PCDHGA5: variants seen among roughly 807,000 people sequenced by gnomAD.
PCDHGA5 encodes the protein protocadherin gamma subfamily A, 5.
Under a neutral mutation model 56.7 loss-of-function variants are expected in PCDHGA5, and 36 were observed. The ratio of observed to expected loss-of-function variants is 0.64; its 90% CI spans 0.49 to 0.84. The LOEUF (loss-of-function observed/expected upper bound fraction) is 0.84, where lower values mean the gene tolerates loss of function less well. Among genes scored for constraint, PCDHGA5 ranks in the 40% least tolerant of loss-of-function variants. PCDHGA5 has a pLI of 0.00. For synonymous variants in PCDHGA5, 563 were observed against 520.2 expected, an observed-to-expected ratio of 1.08 and a Z score of -1.12; for missense variants, 1,305 against 1,201.5, an observed-to-expected ratio of 1.09 and a Z score of -1.27.
At chr5:141,480,178 C>T (rs143309515) in intron 1 of PCDHGA5, among the ~76,000 whole-genome samples, 346 of 150,752 alleles carry the variant, frequency 2.3e-3, no homozygotes, top group Non-Finnish European at 2.8e-3. Flanking sequence ...CTGAGGCAGG[C>T]GGATTGCTTG....
chr5:141,433,837 C>CAAAAAA (rs56191208), intron 1 of PCDHGA5, among the ~76,000 whole-genome samples: 2 of 111,692 alleles, frequency 1.8e-5, no homozygotes, highest in Non-Finnish European at 3.9e-5. Context: ...AACTCTATCT[C>CAAAAAA]AAAAAAAAAA....
chr5:141,471,124 A>C (rs2099250596), intron 1 of PCDHGA5, among the ~76,000 whole-genome samples: 1 of 141,916 alleles, frequency 7.0e-6, no homozygotes, highest in East Asian at 2.1e-4. Flanking sequence ...TCTTACCTTC[A>C]CTGCAACCTC....
At chr5:141,388,735 C>T (rs758511912) in intron 1 of PCDHGA5, 9 of 1,613,974 alleles carry the variant, frequency 5.6e-6, no homozygotes, top group Non-Finnish European at 7.6e-6. Context: ...TTCAGTGAAG[C>T]TAGCCAGATC....
intron 3 of PCDHGA5, among the ~76,000 whole-genome samples, chr5:141,506,904 C>T (rs55892286): frequency 0.2 from 30,589 of 152,050 alleles, 3,131 homozygotes; most frequent in Middle Eastern, 0.24. Flanking sequence ...ACTGTCATCA[C>T]ACCTGGGCAC....
rs2099710219 is a variant in PCDHGA5, at chr5:141,491,289, C to A, written c.2422-3518C>A. On this transcript the variant is annotated intron_variant, in intron 1 of 3. Transcript: ENST00000518069. The surrounding 1 kb of genome is among the most constrained non-coding windows in gnomAD (Gnocchi z 6.9). The stretch of plus-strand genomic sequence containing the variant: ...CCAAATCCAGTGACTTCCTCATACA[C>A]CCTCCTGAGCGTTCAGACCTTACCC... 1 of 1,614,112 alleles carries A rather than the reference C, an allele frequency of 6.2e-7. No homozygotes were observed. Among genetic ancestry groups the A allele is most frequent in the Non-Finnish European group, 8.5e-7 (1 of 1,179,942 alleles).
At position 141,393,000 on chromosome 5, in the gene PCDHGA5, G is replaced by A. The variant is rs772046833; in HGVS notation, c.2421+26249G>A. The stretch of plus-strand genomic sequence containing the variant: ...GGACCCCCGGAAGCTGGCGAAGCAC[G>A]GAGTCCGTATCGTCTCCAGAGGTAG... On this transcript the variant is annotated intron_variant, in intron 1 of 3. Transcript: ENST00000518069. The A allele has an allele frequency of 2.5e-6, 4 of 1,613,856 alleles. No individual in the cohort carries two copies. In the South Asian group the frequency reaches 4.4e-5, roughly 18 times the overall value.
rs968865313 is a variant in PCDHGA5, at chr5:141,511,294, C to T, written c.*121C>T. 1 of 1,506,752 alleles carries T rather than the reference C, an allele frequency of 6.6e-7. No individual in the cohort carries two copies. Among genetic ancestry groups the T allele is most frequent in the Non-Finnish European group, 8.9e-7 (1 of 1,123,692 alleles). 93.3% of individuals were successfully genotyped at this position (1,506,752 alleles called of 1,614,324 possible). On this transcript the variant is annotated 3_prime_UTR_variant, in exon 4 of 4. Coordinates refer to ENST00000518069, the MANE Select transcript of PCDHGA5 (RefSeq NM_018918.3). ...CCCAGAATACTGGTAGGGGCCAAGG[C>T]CATGCTCCCCTTGGGAAACAGAAAC...
intron 1 of PCDHGA5, chr5:141,384,324 T>G (rs373247436): frequency 1.9e-6 from 3 of 1,613,744 alleles, no homozygotes; most frequent in Non-Finnish European, 2.5e-6. Context: ...TCTTAGTGAC[T>G]GCACAGGACC....
rs778770720 is a variant in PCDHGA5 at position 141,375,689 on chromosome 5, G to C, written c.2421+8938G>C. On this transcript the variant is annotated intron_variant, in intron 1 of 3. Coordinates refer to ENST00000518069, the MANE Select transcript of PCDHGA5 (RefSeq NM_018918.3). ...CCTACAGCTGTGGGTGACAGCCAGC[G>C]ACAGCGGGGACCCGCCTCTTAGCAG... 4 of 1,614,250 alleles carry C rather than the reference G, an allele frequency of 2.5e-6. No individual in the cohort carries two copies. In the Admixed American group the frequency reaches 6.7e-5, roughly 27 times the overall value.
rs2099411033 is a variant in PCDHGA5, at chr5:141,477,423, C to T, written c.2422-17384C>T. ...ACCGCCCGAGACGCCGGAACCCCTT[C>T]CCTCTCAGCCCTTACAATAGTGCGT... On this transcript the variant is annotated intron_variant, in intron 1 of 3. Coordinates refer to ENST00000518069, the MANE Select transcript of PCDHGA5 (RefSeq NM_018918.3). This position sits in a 1 kb window ranked among gnomAD's most constrained non-coding sequence, Gnocchi z 4.9. 1.9e-6 allele frequency: 3 copies of T among 1,614,196 alleles called. No individual in the cohort carries two copies. The highest frequency in any genetic ancestry group is 2.2e-5 in the East Asian group (1 of 44,882).
chr5:141,506,870 G>A (rs2099856877), intron 3 of PCDHGA5, among the ~76,000 whole-genome samples: 1 of 152,166 alleles, frequency 6.6e-6, no homozygotes, highest in East Asian at 1.9e-4. Flanking sequence ...GGTGGGTAGA[G>A]AACCAGGTGA....
intron 1 of PCDHGA5, chr5:141,415,357 C>T: frequency 6.2e-7 from 1 of 1,614,250 alleles, no homozygotes; most frequent in Non-Finnish European, 8.5e-7. Context: ...CAAGTCACGC[C>T]TGCTGCAGGC....
At chr5:141,390,634 T>C (rs1003300188) in intron 1 of PCDHGA5, 36 of 236,246 alleles carry the variant, frequency 1.5e-4, no homozygotes, top group African/African-American at 7.4e-4. Context: ...ATATGATGAA[T>C]ACTTTTTTCA....
intron 1 of PCDHGA5, chr5:141,421,806 A>C (rs1027166084): frequency 4.3e-6 from 7 of 1,613,724 alleles, no homozygotes; most frequent in Non-Finnish European, 5.1e-6. Flanking sequence ...CCAAGAATCC[A>C]GAGCTAGTAC....
At chr5:141,408,857 G>A (rs372861749) in intron 1 of PCDHGA5, 4 of 1,613,542 alleles carry the variant, frequency 2.5e-6, no homozygotes, top group Non-Finnish European at 3.4e-6. Flanking sequence ...GGACGGAGGG[G>A]ACCCACCAAG....
chr5:141,451,809 A>C (rs1316571749), intron 1 of PCDHGA5, among the ~76,000 whole-genome samples: 1 of 150,308 alleles, frequency 6.7e-6, no homozygotes, highest in Non-Finnish European at 1.5e-5. Flanking sequence ...TGAACCCAGG[A>C]GGCGGAGGTT....
intron 1 of PCDHGA5, chr5:141,417,858 C>A (rs561149517): frequency 1.3e-6 from 2 of 1,547,240 alleles, no homozygotes; most frequent in African/African-American, 1.4e-5. Context: ...CCCGAGCGAA[C>A]GATGGGAGGG....
chr5:141,502,179 A>C (rs1403845758), intron 2 of PCDHGA5, among the ~76,000 whole-genome samples: 3 of 152,218 alleles, frequency 2.0e-5, no homozygotes, highest in African/African-American at 7.2e-5. Context: ...GGAATTTAAC[A>C]TTAATACAAT....
chr5:141,472,230 C>T (rs1274096264), intron 1 of PCDHGA5, among the ~76,000 whole-genome samples: 1 of 152,116 alleles, frequency 6.6e-6, no homozygotes, highest in Non-Finnish European at 1.5e-5. Flanking sequence ...TCATATAATA[C>T]ATTCACTTTC....
Sources: allele counts gnomAD v4.1 joint callset (sites outside exome capture counted in the v4.1 genomes callset), GRCh38; gene constraint gnomAD v4.1.1; non-coding constraint Gnocchi (gnomAD v3.1); transcripts MANE v1.5; gene names NCBI Gene and HGNC (gene_info 2026-07-23, HGNC 2026-07-21).